ETFB: variants seen among roughly 807,000 people sequenced by gnomAD.
ETFB encodes electron transfer flavoprotein subunit beta.
ETFB carries 20 observed loss-of-function variants against 25.6 expected under a neutral mutation model. The ratio of observed to expected loss-of-function variants is 0.78; its 90% CI spans 0.55 to 1.14. The LOEUF is 1.14. Ranked by LOEUF, ETFB falls within the 50% of genes most tolerant of loss-of-function variation. The pLI is 0.00. For missense variants in ETFB, 286 were observed against 342.6 expected (o/e 0.83, Z 1.30); for synonymous variants, 142 against 146.7 (o/e 0.97, Z 0.23).
intron 5 of ETFB, chr19:51,346,009 G>C (rs868689212): frequency 7.0e-6 from 1 of 142,050 alleles, no homozygotes; most frequent in Middle Eastern, 4.7e-3. Flanking sequence ...TATAGGCTGA[G>C]ATGATGCGCT....
chr19:51,347,378 C>T (rs954623444), intron 4 of ETFB: 4 of 288,516 alleles, frequency 1.4e-5, no homozygotes, highest in African/African-American at 4.3e-5. Context: ...ATCGAATCCT[C>T]GCAGGAACTT....
chr19:51,350,481 T>C lies in ETFB; in HGVS notation c.376-90A>G. The C allele has an allele frequency of 6.8e-6, 5 of 733,784 alleles. No homozygotes were observed. In the South Asian group the frequency reaches 7.4e-5, roughly 11 times the overall value. The allele number at this position is 733,784 out of a possible 1,614,324, so 45.5% of individuals were successfully genotyped here. On this transcript the variant is annotated intron_variant, in intron 3 of 5. Transcript: ENST00000309244. ...GTCTAGAACAGGGGTTGGCAAACTT[T>C]TTCTTTCTTTTTTTTCTTTTTGAGA... is the stretch of plus-strand genomic sequence containing the variant.
At position 51,354,288 on chromosome 19, in the gene ETFB, C is replaced by A. The variant is rs564020088; in HGVS notation, c.78G>T (p.Arg26Ser). 2.0e-5 allele frequency: 32 copies of A among 1,614,076 alleles called. No individual in the cohort carries two copies. Among genetic ancestry groups the A allele is most frequent in the Non-Finnish European group, 2.6e-5 (31 of 1,180,056 alleles). Residue 26 changes from arginine to serine, a missense_variant, in exon 2 of 6, where the codon AGG becomes AGT. Coordinates refer to ENST00000309244, the MANE Select transcript of ETFB (RefSeq NM_001985.3). ...YAVKIRVKPD[R>S]TGVVTDGVKH... ...TCACACCATCCGTGACCACACCGGT[C>A]CTGTCAGGCTTCACTCGGATCTGCC...
Position 51,345,547 on chromosome 19 carries a change from G to A in ETFB, c.598-166C>T, listed in dbSNP as rs144959174. The A allele has an allele frequency of 6.1e-4, 428 of 703,288 alleles. 1 individual carries two copies. In the Middle Eastern group the frequency reaches 6.4e-3, roughly 11 times the overall value. The allele number at this position is 703,288 out of a possible 1,614,324, so 43.6% of individuals were successfully genotyped here. A position where few individuals can be genotyped will look rare whatever the true frequency, so the allele number is the denominator to read the frequency against. On this transcript the variant is annotated intron_variant, in intron 5 of 5. Transcript: ENST00000309244. ...AACTTCTCACAGGGCCACACCTGGT[G>A]TGGACAACTCCTGCTGGCTAGGAGG...
chr19:51,345,775 C>T, intron 5 of ETFB: 1 of 347,634 alleles, frequency 2.9e-6, no homozygotes, highest in South Asian at 2.3e-5. Flanking sequence ...ATGCGCTGAA[C>T]CCTCCCTATA....
At chr19:51,354,954 C>G in intron 1 of ETFB, 4 of 341,068 alleles carry the variant, frequency 1.2e-5, no homozygotes, top group Non-Finnish European at 1.7e-5. Flanking sequence ...AACAAACCCA[C>G]GGTTACAGAA....
rs370979664 is a variant in ETFB at position 51,350,314 on chromosome 19, C to T, written c.438+15G>A. The T allele has an allele frequency of 1.2e-6, 2 of 1,608,404 alleles. No individual in the cohort carries two copies. The highest frequency in any genetic ancestry group is 1.3e-5 in the African/African-American group (1 of 74,868). On this transcript the variant is annotated intron_variant, in intron 4 of 5. Coordinates refer to ENST00000309244, the MANE Select transcript of ETFB (RefSeq NM_001985.3). Reference sequence around the variant, plus strand: ...GGGCCTGGCCCTCAGCAGGTGCTCCCCACTCCAGTCTCACCTGTGGCCAGT... The same window carrying T: ...GGGCCTGGCCCTCAGCAGGTGCTCCTCACTCCAGTCTCACCTGTGGCCAGT...
At chr19:51,350,438 T>A (rs1398689870) in intron 3 of ETFB, 47 bp from the exon 4 acceptor site, 2 of 1,021,114 alleles carry the variant, frequency 2.0e-6, no homozygotes, top group African/African-American at 1.6e-5. Context: ...GTGGAGCTCA[T>A]GGACCATTCA....
At chr19:51,359,964 A>G (rs1986179998) in intron 1 of ETFB, among the ~76,000 whole-genome samples, 1 of 152,030 alleles carries the variant, frequency 6.6e-6, no homozygotes, top group Non-Finnish European at 1.5e-5. Flanking sequence ...GGCTGCAGCG[A>G]GCTGTGACTG....
intron 4 of ETFB, chr19:51,347,598 C>T (rs765684674): frequency 5.8e-5 from 9 of 156,450 alleles, no homozygotes; most frequent in Admixed American, 1.2e-4. Context: ...GGGACCCCGT[C>T]CTCTAGCCAG....
At chr19:51,362,169 A>AG (rs1986248647) in intron 1 of ETFB, among the ~76,000 whole-genome samples, 1 of 37,836 alleles carries the variant, frequency 2.6e-5, no homozygotes, top group Non-Finnish European at 8.0e-5. Context: ...ACATACACAC[A>AG]CACACACACA....
intron 1 of ETFB, among the ~76,000 whole-genome samples, chr19:51,365,802 G>A (rs1333720105): frequency 6.6e-6 from 1 of 152,184 alleles, no homozygotes; most frequent in Non-Finnish European, 1.5e-5. Flanking sequence ...AGCTTCTGGG[G>A]CCCCACAGGA....
intron 1 of ETFB, among the ~76,000 whole-genome samples, chr19:51,359,301 G>A (rs746952592): frequency 7.9e-5 from 12 of 151,472 alleles, no homozygotes; most frequent in South Asian, 2.1e-4. Context: ...AAAGTGATCC[G>A]CCTGCTTCAG....
intron 1 of ETFB, chr19:51,355,973 A>G (rs1986069793): frequency 6.6e-6 from 1 of 151,198 alleles, no homozygotes; most frequent in Non-Finnish European, 1.5e-5. Flanking sequence ...GGATAGCATT[A>G]GGAGATATAC....
chr19:51,354,284 C>T lies in ETFB; in HGVS notation c.82G>A (p.Gly28Ser), dbSNP rs750230877. 4.2e-5 allele frequency: 67 copies of T among 1,614,024 alleles called. No homozygotes were observed. The highest frequency in any genetic ancestry group is 3.1e-4 in the East Asian group (14 of 44,888). Residue 28 changes from glycine to serine, a missense_variant, in exon 2 of 6, where the codon GGT (glycine) becomes AGT (serine). Coordinates refer to ENST00000309244, the MANE Select transcript of ETFB (RefSeq NM_001985.3). ...VKIRVKPDRT[G>S]VVTDGVKHSM... The stretch of plus-strand genomic sequence containing the variant: ...TGCTTCACACCATCCGTGACCACAC[C>T]GGTCCTGTCAGGCTTCACTCGGATC...
At chr19:51,345,520 G>A (rs1459604922) in intron 5 of ETFB, 139 bp from the exon 6 acceptor site, 16 of 863,724 alleles carry the variant, frequency 1.9e-5, no homozygotes, top group Admixed American at 4.0e-5. Flanking sequence ...CAGGACACGC[G>A]AAACTTCTCA....
At chr19:51,360,734 G>A (rs1207029443) in intron 1 of ETFB, among the ~76,000 whole-genome samples, 2 of 151,782 alleles carry the variant, frequency 1.3e-5, no homozygotes, top group Non-Finnish European at 2.9e-5. Flanking sequence ...CAGGCAAGAG[G>A]GATTTTCTTC....
In ETFB at chr19:51,366,306, G is replaced by A. The variant is rs200019312; in HGVS notation, c.21C>T (p.Leu7=). Reference sequence around the variant, plus strand: ...AGTCGATGACCCTCTTGACAGCTACGAGCACGCGCAGCTCCGCCATCTTCC... The same window carrying A: ...AGTCGATGACCCTCTTGACAGCTACAAGCACGCGCAGCTCCGCCATCTTCC... MAELRV[L]VAVKRVIDYA... is the part of the protein sequence containing the mutation. Residue 7 remains leucine, a synonymous_variant, in exon 1 of 6, where the codon CTC becomes CTT. Coordinates refer to ENST00000309244, the MANE Select transcript of ETFB (RefSeq NM_001985.3). 6.2e-7 allele frequency: 1 copy of A among 1,613,506 alleles called. No individual in the cohort carries two copies. Among genetic ancestry groups the A allele is most frequent in the East Asian group, 2.2e-5 (1 of 44,872 alleles).
At chr19:51,354,881 T>C in intron 1 of ETFB, 1 of 491,978 alleles carries the variant, frequency 2.0e-6, no homozygotes, top group Non-Finnish European at 3.7e-6. Flanking sequence ...TCCCTCCCCT[T>C]TTCAGGCACG....
Sources: allele counts gnomAD v4.1 joint callset (sites outside exome capture counted in the v4.1 genomes callset), GRCh38; gene constraint gnomAD v4.1.1; transcripts MANE v1.5; gene names NCBI Gene and HGNC (gene_info 2026-07-23, HGNC 2026-07-21).